The following SGCD variants were observed in gnomAD, a reference collection of about 807,000 sequenced individuals.
SGCD encodes the protein delta-sarcoglycan.
A neutral mutation model predicts 36.6 loss-of-function variants in SGCD; 18 were observed. The ratio of observed to expected loss-of-function variants is 0.49; its 90% CI spans 0.34 to 0.73. The LOEUF (loss-of-function observed/expected upper bound fraction) is 0.73, where lower values mean the gene tolerates loss of function less well. Among genes scored for constraint, SGCD ranks in the 30% least tolerant of loss-of-function variants. The pLI is 0.01. For missense variants in SGCD, 387 were observed against 346.7 expected (o/e 1.12, Z -0.92); for synonymous variants, 133 against 130.6 (o/e 1.02, Z -0.12).
At chr5:156,216,699 T>C (rs915565675) in intron 3 of SGCD, among the ~76,000 whole-genome samples, 1 of 152,206 alleles carries the variant, frequency 6.6e-6, no homozygotes, top group Non-Finnish European at 1.5e-5. Context: ...ACATGTGTTA[T>C]AGGGATGAGG....
chr5:155,820,832 T>C, the SGCD span, among the ~76,000 whole-genome samples: 1 of 152,146 alleles, frequency 6.6e-6, no homozygotes, highest in African/African-American at 2.4e-5. Context: ...GAGAAATTCC[T>C]CTGTTGAAAG....
chr5:156,034,133 CAA>C (rs1237103846), intron 1 of SGCD, among the ~76,000 whole-genome samples: 1 of 152,144 alleles, frequency 6.6e-6, no homozygotes, highest in Non-Finnish European at 1.5e-5. Context: ...TTGTCTCCTG[CAA>C]AAGACTCCAG....
At chr5:156,377,785 G>A (rs943958428) in intron 3 of SGCD, among the ~76,000 whole-genome samples, 5 of 152,132 alleles carry the variant, frequency 3.3e-5, no homozygotes, top group African/African-American at 1.2e-4. Flanking sequence ...AAAATGGATA[G>A]AGTTAATTAT....
intron 3 of SGCD, among the ~76,000 whole-genome samples, chr5:156,456,991 T>C (rs1265361455): frequency 6.6e-6 from 1 of 152,236 alleles, no homozygotes; most frequent in East Asian, 1.9e-4. Context: ...CATGGCTTGA[T>C]TGGAGCATTT....
intron 3 of SGCD, among the ~76,000 whole-genome samples, chr5:156,133,746 G>T (rs564953700): frequency 3.5e-4 from 53 of 151,286 alleles, no homozygotes; most frequent in South Asian, 2.3e-3. Context: ...GTCTCTTTTT[G>T]ACAGTTACTG....
At chr5:155,918,714 A>G (rs573831044) in intron 1 of SGCD, among the ~76,000 whole-genome samples, 1 of 152,344 alleles carries the variant, frequency 6.6e-6, no homozygotes, top group Non-Finnish European at 1.5e-5. Flanking sequence ...TGGGAGAGAA[A>G]TGCATAGCCC....
chr5:156,005,233 A>G (rs1758732953), intron 1 of SGCD, among the ~76,000 whole-genome samples: 1 of 152,164 alleles, frequency 6.6e-6, no homozygotes, highest in South Asian at 2.1e-4. Flanking sequence ...CTTGGCAGCT[A>G]CGTTCAGCCA....
At chr5:156,305,901 G>A (rs530986595) in intron 3 of SGCD, among the ~76,000 whole-genome samples, 1 of 152,350 alleles carries the variant, frequency 6.6e-6, no homozygotes, top group African/African-American at 2.4e-5. Context: ...TTTTAGACTT[G>A]AATGGGGCCT....
At chr5:155,969,143 G>T (rs1757960000) in intron 1 of SGCD, among the ~76,000 whole-genome samples, 1 of 152,096 alleles carries the variant, frequency 6.6e-6, no homozygotes, top group Non-Finnish European at 1.5e-5. Flanking sequence ...GTCTCCTTAT[G>T]CCTGTATGTG....
At chr5:155,908,080 G>A (rs965708399) in intron 1 of SGCD, among the ~76,000 whole-genome samples, 4 of 152,146 alleles carry the variant, frequency 2.6e-5, no homozygotes, top group East Asian at 1.9e-4. Context: ...GCAAGTCACC[G>A]AAGGCTCAGA....
At chr5:156,482,739 T>C (rs372946572) in intron 3 of SGCD, among the ~76,000 whole-genome samples, 139 of 151,566 alleles carry the variant, frequency 9.2e-4, no homozygotes, top group Non-Finnish European at 1.7e-3. Flanking sequence ...TCAAGACACT[T>C]ATGTGAACAT....
chr5:156,402,898 G>C (rs759699043), intron 3 of SGCD, among the ~76,000 whole-genome samples: 1 of 152,122 alleles, frequency 6.6e-6, no homozygotes, highest in Non-Finnish European at 1.5e-5. Context: ...TACCTATCCT[G>C]CCTCAGTATT....
At chr5:156,697,190 T>G (rs1213039505) in intron 7 of SGCD, among the ~76,000 whole-genome samples, 4 of 152,200 alleles carry the variant, frequency 2.6e-5, no homozygotes, top group Non-Finnish European at 5.9e-5. Flanking sequence ...TACAACTTCA[T>G]AAATATAATG....
intron 3 of SGCD, among the ~76,000 whole-genome samples, chr5:156,301,482 A>G (rs1235806770): frequency 1.3e-5 from 2 of 152,040 alleles, no homozygotes; most frequent in East Asian, 3.9e-4. Flanking sequence ...AAGTTGCTGT[A>G]GTTATTATTT....
chr5:155,983,290 G>C (rs527912846), intron 1 of SGCD, among the ~76,000 whole-genome samples: 2 of 152,156 alleles, frequency 1.3e-5, no homozygotes, highest in Non-Finnish European at 2.9e-5. Context: ...AGCTAGAAGA[G>C]CTAGGGCTCA....
intron 1 of SGCD, among the ~76,000 whole-genome samples, chr5:156,327,604 T>C (rs1427915285): frequency 6.6e-6 from 1 of 152,244 alleles, no homozygotes; most frequent in African/African-American, 2.4e-5. Context: ...AAACTGTCTG[T>C]GTGTTTTGCT....
chr5:155,876,066 TACTTTAAGTTTTA>T (rs1755761974), intron 1 of SGCD, among the ~76,000 whole-genome samples: 1 of 151,774 alleles, frequency 6.6e-6, no homozygotes, highest in Admixed American at 6.6e-5. Context: ...TTTTTTATTA[TACTTTAAGTTTTA>T]GGGTACATGT....
At chr5:156,653,492 G>GTTTTTTTTTTTTTTTT (rs1561839559) in intron 7 of SGCD, among the ~76,000 whole-genome samples, 6 of 5,830 alleles carry the variant, frequency 1.0e-3, no homozygotes, top group Non-Finnish European at 1.5e-3. Context: ...TCTAAAGCTT[G>GTTTTTTTTTTTTTTTT]CTTTTTTTTT....
At chr5:156,402,812 T>A (rs971931217) in intron 3 of SGCD, among the ~76,000 whole-genome samples, 1 of 152,200 alleles carries the variant, frequency 6.6e-6, no homozygotes, top group East Asian at 1.9e-4. Flanking sequence ...GACTGAAATG[T>A]GAGCACTAGG....
Sources: gnomAD v4.1 joint callset for allele counts (sites outside exome capture counted in the v4.1 genomes callset) on GRCh38, gnomAD v4.1.1 for gene constraint, MANE v1.5 for transcripts, NCBI Gene and HGNC (gene_info 2026-07-23, HGNC 2026-07-21) for gene names.